Variants in NEGR1 observed in about 807,000 individuals in gnomAD.
NEGR1 encodes IgLON family member 4.
NEGR1 carries 10 observed loss-of-function variants against 40.9 expected under a neutral mutation model. The ratio of observed to expected loss-of-function variants is 0.24; its 90% CI spans 0.15 to 0.42. The LOEUF is 0.42. Among genes scored for constraint, NEGR1 ranks in the 10% least tolerant of loss-of-function variants. NEGR1 has a pLI of 1.00. For synonymous variants in NEGR1, 185 were observed against 166.8 expected (o/e 1.11, Z -0.84); for missense variants, 352 against 438.9 (o/e 0.80, Z 1.77).
intron 4 of NEGR1, among the ~76,000 whole-genome samples, chr1:71,611,502 G>A (rs911307067): frequency 6.6e-6 from 1 of 152,224 alleles, no homozygotes; most frequent in Non-Finnish European, 1.5e-5. Context: ...CAGGGAGCCA[G>A]TCACTGGGCT....
chr1:71,402,772 A>G lies in NEGR1; in HGVS notation c.*4674T>C, dbSNP rs1229742111. 1.3e-5 allele frequency: 2 copies of G among 152,110 alleles called. No individual in the cohort carries two copies. Among genetic ancestry groups the G allele is most frequent in the Admixed American group, 6.5e-5 (1 of 15,272 alleles). The allele number at this position is 152,110 out of a possible 1,614,324, so 9.4% of individuals were successfully genotyped here. On this transcript the variant is annotated 3_prime_UTR_variant, in exon 7 of 7. Coordinates refer to ENST00000357731, the MANE Select transcript of NEGR1 (RefSeq NM_173808.3). Reference sequence around the variant, plus strand: ...AGTGAATAATTATTTTCTGTATACCAAGATATGATTTTGAAGCATCTATGT... The same window carrying G: ...AGTGAATAATTATTTTCTGTATACCGAGATATGATTTTGAAGCATCTATGT...
rs905797587 is a variant in NEGR1, at chr1:71,403,354, G to A, written c.*4092C>T. On this transcript the variant is annotated 3_prime_UTR_variant, in exon 7 of 7. Coordinates refer to ENST00000357731, the MANE Select transcript of NEGR1 (RefSeq NM_173808.3). Reference sequence around the variant, plus strand: ...TACACTCTGCCTGGCTCTTACAAGCGTTTGAGTTTTCAGTTGTTTAGCCTG... The same window carrying A: ...TACACTCTGCCTGGCTCTTACAAGCATTTGAGTTTTCAGTTGTTTAGCCTG... 4 of 152,108 alleles carry A rather than the reference G, an allele frequency of 2.6e-5. No homozygotes were observed. Among genetic ancestry groups the A allele is most frequent in the Middle Eastern group, 3.4e-3 (1 of 294 alleles). 9.4% of individuals were successfully genotyped at this position (152,108 alleles called of 1,614,324 possible).
intron 2 of NEGR1, among the ~76,000 whole-genome samples, chr1:71,792,417 AG>A (rs1657151398): frequency 6.6e-6 from 1 of 152,122 alleles, no homozygotes; most frequent in Admixed American, 6.6e-5. Context: ...GAGTAACGTA[AG>A]AGCCCTTCTC....
At chr1:71,571,710 T>C (rs964058022) in intron 6 of NEGR1, among the ~76,000 whole-genome samples, 1 of 149,952 alleles carries the variant, frequency 6.7e-6, no homozygotes, top group Admixed American at 6.7e-5. Flanking sequence ...GGAAGATGGC[T>C]TAAGCCCAAG....
intron 1 of NEGR1, among the ~76,000 whole-genome samples, chr1:72,265,136 C>T (rs891853034): frequency 3.3e-5 from 5 of 150,716 alleles, no homozygotes; most frequent in African/African-American, 1.2e-4. Context: ...TTTTTTTTCT[C>T]TAGCCTACAC....
chr1:71,792,249 G>A (rs1657144098), intron 2 of NEGR1, among the ~76,000 whole-genome samples: 1 of 152,082 alleles, frequency 6.6e-6, no homozygotes, highest in Non-Finnish European at 1.5e-5. Flanking sequence ...AAACTCCATG[G>A]CTGGTTGTAT....
intron 1 of NEGR1, among the ~76,000 whole-genome samples, chr1:72,095,900 C>T (rs1478869295): frequency 6.6e-6 from 1 of 152,108 alleles, no homozygotes; most frequent in Non-Finnish European, 1.5e-5. Context: ...TTTCCTTTCT[C>T]TTTTCCTTTC....
At chr1:72,041,624 C>T (rs899581584) in intron 1 of NEGR1, among the ~76,000 whole-genome samples, 60 of 149,754 alleles carry the variant, frequency 4.0e-4, no homozygotes, top group Admixed American at 2.3e-3. Flanking sequence ...TGTGACCCTC[C>T]GTACCTCAAA....
At chr1:71,771,833 T>C (rs1656342292) in intron 3 of NEGR1, among the ~76,000 whole-genome samples, 1 of 151,754 alleles carries the variant, frequency 6.6e-6, no homozygotes, top group South Asian at 2.1e-4. Flanking sequence ...GCAGAAGGAC[T>C]GCTGAATCTA....
chr1:72,272,622 T>C (rs1475497233), intron 1 of NEGR1, among the ~76,000 whole-genome samples: 1 of 151,826 alleles, frequency 6.6e-6, no homozygotes, highest in Non-Finnish European at 1.5e-5. Context: ...AAGAAAGGGG[T>C]TTCTGAAGAC....
At chr1:71,735,683 T>C (rs1488070771) in intron 3 of NEGR1, among the ~76,000 whole-genome samples, 2 of 151,876 alleles carry the variant, frequency 1.3e-5, no homozygotes, top group Non-Finnish European at 2.9e-5. Context: ...TATAATTAAG[T>C]ATATAAAATG....
intron 2 of NEGR1, among the ~76,000 whole-genome samples, chr1:71,873,426 A>T (rs2101835333): frequency 6.6e-6 from 1 of 152,278 alleles, no homozygotes; most frequent in Non-Finnish European, 1.5e-5. Flanking sequence ...TAAAAATATT[A>T]GGTTAAGTTC....
At chr1:72,153,456 T>C (rs1314740563) in intron 1 of NEGR1, among the ~76,000 whole-genome samples, 1 of 151,850 alleles carries the variant, frequency 6.6e-6, no homozygotes. Flanking sequence ...AAACTAAAAT[T>C]TGGAGAAATA....
chr1:71,711,938 A>G lies in NEGR1; in HGVS notation c.536-13799T>C, dbSNP rs576022234. On this transcript the variant is annotated intron_variant, in intron 3 of 6. Transcript: ENST00000357731. ...ATAGATTCAAAAGGCTATATATTGT[A>G]TGATTTAATTTATTTAACATTATAG... Among the ~76,000 whole-genome samples the G allele has an allele frequency of 2.0e-5, 3 of 152,350 alleles. No individual in the cohort carries two copies. In the South Asian group the frequency reaches 6.2e-4, roughly 32 times the overall value.
intron 1 of NEGR1, among the ~76,000 whole-genome samples, chr1:72,120,920 TA>T (rs992056566): frequency 6.6e-6 from 1 of 151,756 alleles, no homozygotes; most frequent in African/African-American, 2.4e-5. Context: ...AAATTTTGTT[TA>T]AAAAAAAGGA....
At chr1:71,418,366 T>A (rs987099734) in intron 6 of NEGR1, among the ~76,000 whole-genome samples, 1 of 151,782 alleles carries the variant, frequency 6.6e-6, no homozygotes, top group Admixed American at 6.6e-5. Flanking sequence ...CAGGCTGGAG[T>A]GCAGTGGGGC....
intron 4 of NEGR1, among the ~76,000 whole-genome samples, chr1:71,648,430 T>C (rs1259218464): frequency 1.3e-5 from 2 of 152,002 alleles, no homozygotes; most frequent in African/African-American, 2.4e-5. Context: ...ATTTTGAAGA[T>C]GAGAAAACTG....
intron 2 of NEGR1, among the ~76,000 whole-genome samples, chr1:71,786,695 G>A (rs1337392261): frequency 6.6e-6 from 1 of 151,974 alleles, no homozygotes; most frequent in Non-Finnish European, 1.5e-5. Flanking sequence ...TTTGTGTGGT[G>A]GTTCTATCAA....
chr1:71,529,767 T>G (rs979805600), intron 6 of NEGR1, among the ~76,000 whole-genome samples: 4 of 151,196 alleles, frequency 2.6e-5, no homozygotes, highest in Non-Finnish European at 5.9e-5. Context: ...AATTTGCTAA[T>G]TCACCATATA....
Sources: gnomAD v4.1 joint callset for allele counts (sites outside exome capture counted in the v4.1 genomes callset) on GRCh38, gnomAD v4.1.1 for gene constraint, MANE v1.5 for transcripts, NCBI Gene and HGNC (gene_info 2026-07-23, HGNC 2026-07-21) for gene names.